SRPX: variants seen among roughly 807,000 people sequenced by gnomAD.
The protein encoded by SRPX is sushi repeat-containing protein SRPX.
A neutral mutation model predicts 38.1 loss-of-function variants in SRPX; 24 were observed. The observed-to-expected ratio is 0.63, with a 90% CI of 0.46 to 0.89. The LOEUF is 0.89. Among genes scored for constraint, SRPX ranks in the 40% least tolerant of loss-of-function variants. The pLI is 0.00. For synonymous variants in SRPX, 184 were observed against 153.8 expected, an observed-to-expected ratio of 1.20 and a Z score of -1.45; for missense variants, 416 against 377.8, an observed-to-expected ratio of 1.10 and a Z score of -0.84.
intron 1 of SRPX, among the ~76,000 whole-genome samples, chrX:38,218,561 C>T (rs1939455828): frequency 8.9e-6 from 1 of 112,378 alleles, no homozygotes; most frequent in Non-Finnish European, 1.9e-5. Context: ...GTGCTATTCA[C>T]GTGCAGATAG....
At chrX:38,174,447 C>T in intron 2 of SRPX, 96 bp from the exon 3 acceptor site, 1 of 746,611 alleles carries the variant, frequency 1.3e-6, no homozygotes, top group Non-Finnish European at 1.8e-6. Flanking sequence ...GGCTACATTC[C>T]AAATTTTGGA....
intron 1 of SRPX, among the ~76,000 whole-genome samples, chrX:38,193,269 C>T (rs1270811558): frequency 8.9e-6 from 1 of 111,925 alleles, no homozygotes; most frequent in Non-Finnish European, 1.9e-5. Flanking sequence ...TGCAAACACA[C>T]TATTTTGCAG....
At chrX:38,188,713 A>G (rs893214286) in intron 1 of SRPX, among the ~76,000 whole-genome samples, 2 of 111,349 alleles carry the variant, frequency 1.8e-5, no homozygotes, top group African/African-American at 6.5e-5. Context: ...TAATCAAGCT[A>G]ATTAACATAT....
At chrX:38,160,793 C>G (rs1310123348) in intron 6 of SRPX, 140 bp downstream of exon 6, 5 of 768,502 alleles carry the variant, frequency 6.5e-6, no homozygotes, top group African/African-American at 6.3e-5. Context: ...GGGCACTTCC[C>G]CAAGCCTTAT....
chrX:38,170,581 A>G (rs968362008), intron 4 of SRPX, among the ~76,000 whole-genome samples: 5 of 110,847 alleles, frequency 4.5e-5, no homozygotes, highest in African/African-American at 1.6e-4. Flanking sequence ...TGCATGTACA[A>G]TCCTCCTTCT....
At chrX:38,195,502 T>C (rs951010983) in intron 1 of SRPX, among the ~76,000 whole-genome samples, 3 of 110,861 alleles carry the variant, frequency 2.7e-5, no homozygotes, top group African/African-American at 9.9e-5. Context: ...AAAGAGCTTG[T>C]TAGGTTTGTT....
At chrX:38,203,727 C>T (rs1261810397) in intron 1 of SRPX, among the ~76,000 whole-genome samples, 1 of 111,279 alleles carries the variant, frequency 9.0e-6, no homozygotes, top group Non-Finnish European at 1.9e-5. Flanking sequence ...TGCAGTGTGC[C>T]GAGATTGTGC....
At chrX:38,179,748 C>T (rs1938632743) in intron 1 of SRPX, among the ~76,000 whole-genome samples, 1 of 111,724 alleles carries the variant, frequency 9.0e-6, no homozygotes, top group African/African-American at 3.3e-5. Context: ...CAGATTTCCT[C>T]ACCTTGTCTC....
chrX:38,173,515 T>C (rs781140544), intron 3 of SRPX, among the ~76,000 whole-genome samples: 2 of 110,995 alleles, frequency 1.8e-5, no homozygotes, highest in East Asian at 2.8e-4. Context: ...AGTGGCACAA[T>C]CTCGGCTCAC....
At chrX:38,172,601 C>T (rs138258717) in intron 3 of SRPX, among the ~76,000 whole-genome samples, 7,937 of 112,396 alleles carry the variant, frequency 0.071, 663 homozygotes, top group African/African-American at 0.24. Flanking sequence ...TTCTGAGATA[C>T]GGATTTATGT....
At chrX:38,183,713 G>C (rs1938714425) in intron 1 of SRPX, among the ~76,000 whole-genome samples, 1 of 111,811 alleles carries the variant, frequency 8.9e-6, no homozygotes, top group African/African-American at 3.2e-5. Flanking sequence ...CTAGAATTCT[G>C]CTAATTGAGG....
chrX:38,219,831 C>T (rs1393126194), intron 1 of SRPX, among the ~76,000 whole-genome samples: 1 of 112,722 alleles, frequency 8.9e-6, no homozygotes, highest in Non-Finnish European at 1.9e-5. Flanking sequence ...CATGGATTTC[C>T]TCTCCATTCC....
intron 4 of SRPX, 101 bp downstream of exon 4, chrX:38,171,780 C>T: frequency 2.2e-6 from 2 of 896,739 alleles, no homozygotes; most frequent in South Asian, 4.9e-5. Flanking sequence ...ATGCTTAGGC[C>T]TTACAGGAGG....
At chrX:38,169,439 T>C (rs1308455376) in intron 4 of SRPX, among the ~76,000 whole-genome samples, 1 of 112,041 alleles carries the variant, frequency 8.9e-6, no homozygotes. Flanking sequence ...CAAAATGTTT[T>C]ATTCCAGAAT....
rs1938241085 is a variant in SRPX at position 38,160,960 on chromosome X, T to C, written c.748A>G (p.Thr250Ala). Residue 250 changes from threonine (T) to alanine (A), a missense_variant, in exon 6 of 10, where the codon ACT (threonine) becomes GCT (alanine). Thr to Ala is a moderately conservative substitution (Grantham distance 58, BLOSUM62 0). Coordinates refer to ENST00000378533, the MANE Select transcript of SRPX (RefSeq NM_006307.5). ...CTTACTTTAACTCGAAATTTGCAAG[T>C]GCCCTTATTCTCAGCTCTGTCATAG... ...TVYDRAENKGTCKFRVKVRVK... is the reference protein window; with the variant it reads ...TVYDRAENKGACKFRVKVRVK... The C allele has an allele frequency of 8.3e-7, 1 of 1,207,823 alleles. No individual in the cohort carries two copies. The highest frequency in any genetic ancestry group is 1.8e-5 in the African/African-American group (1 of 57,019).
chrX:38,215,298 A>C (rs1342838392), intron 1 of SRPX, among the ~76,000 whole-genome samples: 1 of 111,893 alleles, frequency 8.9e-6, no homozygotes, highest in African/African-American at 3.3e-5. Context: ...TGAATCATTC[A>C]GCTCGGGAAT....
At position 38,172,047 on chromosome X, in the gene SRPX, A is replaced by G; in HGVS notation, c.360T>C (p.Cys120=). 5 of 1,207,834 alleles carry G rather than the reference A, an allele frequency of 4.1e-6. No individual in the cohort carries two copies. Among genetic ancestry groups the G allele is most frequent in the Non-Finnish European group, 5.6e-6 (5 of 893,141 alleles). The change falls in exon 4 of 10, where the codon TGT becomes TGC. Residue 120 remains cysteine (C), a synonymous_variant. Transcript: ENST00000378533. ...SDKVICKQKR[C]PTLAMPANGG... ...CATTTGCTGGCATGGCAAGGGTAGGACATCGCTTTTCTGAAAATGAGAAAA... is the reference window on the plus strand; with the variant it reads ...CATTTGCTGGCATGGCAAGGGTAGGGCATCGCTTTTCTGAAAATGAGAAAA...
intron 1 of SRPX, among the ~76,000 whole-genome samples, chrX:38,205,845 C>T (rs1939199665): frequency 8.9e-6 from 1 of 112,088 alleles, no homozygotes; most frequent in African/African-American, 3.2e-5. Context: ...AGAAGGCACC[C>T]AGCAAACATC....
intron 1 of SRPX, among the ~76,000 whole-genome samples, chrX:38,198,221 C>T (rs1939034289): frequency 9.0e-6 from 1 of 111,656 alleles, no homozygotes; most frequent in South Asian, 3.8e-4. Flanking sequence ...GATGAATGCT[C>T]ACAAAAGATC....
Sources: gnomAD v4.1 joint callset for allele counts (sites outside exome capture counted in the v4.1 genomes callset) on GRCh38, gnomAD v4.1.1 for gene constraint, MANE v1.5 for transcripts, NCBI Gene and HGNC (gene_info 2026-07-23, HGNC 2026-07-21) for gene names.